The following SLC35F3 variants were observed in gnomAD, a reference collection of about 807,000 sequenced individuals.
SLC35F3 encodes the protein putative thiamine transporter SLC35F3.
Under a neutral mutation model 49.9 loss-of-function variants are expected in SLC35F3, and 25 were observed. The observed-to-expected ratio is 0.50, with a 90% CI of 0.37 to 0.70. The LOEUF is 0.70. SLC35F3 is among the 30% of genes least tolerant of loss of function. The probability of loss-of-function intolerance (pLI) is 0.00; values close to 1 mark genes in which losing one functional copy is unlikely to be tolerated. For missense variants in SLC35F3, 525 were observed against 639.8 expected, an observed-to-expected ratio of 0.82 and a Z score of 1.94; for synonymous variants, 275 against 265.4, an observed-to-expected ratio of 1.04 and a Z score of -0.35.
intron 3 of SLC35F3, among the ~76,000 whole-genome samples, chr1:234,237,248 G>A (rs79874870): frequency 0.021 from 3,202 of 152,136 alleles, 94 homozygotes; most frequent in African/African-American, 0.072. Flanking sequence ...TGACTGTCAG[G>A]TGTTTGTTTG....
At chr1:234,207,740 G>A (rs2102938267) in intron 2 of SLC35F3, among the ~76,000 whole-genome samples, 1 of 152,268 alleles carries the variant, frequency 6.6e-6, no homozygotes, top group South Asian at 2.1e-4. Context: ...TGGTGGTCAT[G>A]CCTATAATCC....
At chr1:233,919,951 G>A (rs1662032889) in intron 2 of SLC35F3, among the ~76,000 whole-genome samples, 1 of 152,170 alleles carries the variant, frequency 6.6e-6, no homozygotes, top group Admixed American at 6.5e-5. Flanking sequence ...GACCACTGAG[G>A]ATTTCCATTT....
chr1:234,025,039 T>G (rs1663956583), intron 2 of SLC35F3, among the ~76,000 whole-genome samples: 1 of 152,254 alleles, frequency 6.6e-6, no homozygotes, highest in Non-Finnish European at 1.5e-5. Context: ...CACTCAGTTT[T>G]TAGCTTCCCG....
At chr1:234,087,679 A>C (rs565050960) in intron 2 of SLC35F3, among the ~76,000 whole-genome samples, 1 of 152,310 alleles carries the variant, frequency 6.6e-6, no homozygotes, top group East Asian at 1.9e-4. Flanking sequence ...CTGTTAAAAA[A>C]AACCCTCCAA....
In SLC35F3 at chr1:233,949,092, A is replaced by C. The variant is rs76052290; in HGVS notation, c.283+43334A>C. Among the ~76,000 whole-genome samples, 1,281 of 152,062 alleles carry C rather than the reference A, an allele frequency of 8.4e-3. 15 individuals carry two copies. The highest frequency in any genetic ancestry group is 0.029 in the African/African-American group (1,193 of 41,486). On this transcript the variant is annotated intron_variant, in intron 2 of 7. Coordinates refer to ENST00000366618, the MANE Select transcript of SLC35F3 (RefSeq NM_173508.4). Reference sequence around the variant, plus strand: ...GTCTGAAAGTTCTGTCCATTCCATCATGTAGGATCATGCCCATGGGAGAAC... The same window carrying C: ...GTCTGAAAGTTCTGTCCATTCCATCCTGTAGGATCATGCCCATGGGAGAAC...
At chr1:234,012,198 G>A (rs1364556077) in intron 2 of SLC35F3, among the ~76,000 whole-genome samples, 2 of 152,204 alleles carry the variant, frequency 1.3e-5, no homozygotes, top group Non-Finnish European at 2.9e-5. Context: ...TAACAAGGCA[G>A]CATTGCTGCC....
At position 234,316,650 on chromosome 1, in the gene SLC35F3, G is replaced by C. The variant is rs754200916; in HGVS notation, c.877G>C (p.Ala293Pro). Residue 293 changes from alanine (A) to proline (P), a missense_variant, in exon 5 of 8, where the codon GCT (alanine) becomes CCT (proline). Coordinates refer to ENST00000366618, the MANE Select transcript of SLC35F3 (RefSeq NM_173508.4). The part of the protein sequence containing the change: ...AIAGIVMMTY[A>P]DGFHSHSVIG... ...CGCTGGCATTGTGATGATGACCTAC[G>C]CTGATGGCTTCCACAGCCACTCCGT... 6.2e-7 allele frequency: 1 copy of C among 1,613,428 alleles called. No individual in the cohort carries two copies. Among genetic ancestry groups the C allele is most frequent in the Admixed American group, 1.7e-5 (1 of 60,022 alleles).
At chr1:233,999,992 G>A (rs116361761) in intron 2 of SLC35F3, among the ~76,000 whole-genome samples, 2,086 of 152,098 alleles carry the variant, frequency 0.014, 20 homozygotes, top group Non-Finnish European at 0.023. Flanking sequence ...GAACTCTCTC[G>A]CACAATATGA....
intron 2 of SLC35F3, among the ~76,000 whole-genome samples, chr1:234,010,512 T>C (rs1257300274): frequency 1.3e-5 from 2 of 152,180 alleles, no homozygotes; most frequent in Admixed American, 6.5e-5. Flanking sequence ...ACTTTGAATG[T>C]AAATAGATTA....
At chr1:234,017,310 T>C (rs1663817644) in intron 2 of SLC35F3, among the ~76,000 whole-genome samples, 1 of 152,196 alleles carries the variant, frequency 6.6e-6, no homozygotes, top group African/African-American at 2.4e-5. Context: ...AATTAAGGAA[T>C]ACTGAAGCAT....
At chr1:233,944,916 C>T (rs1393884875) in intron 2 of SLC35F3, among the ~76,000 whole-genome samples, 1 of 152,036 alleles carries the variant, frequency 6.6e-6, no homozygotes, top group Admixed American at 6.5e-5. Context: ...CCGATGGAAC[C>T]TGCATGATAT....
intron 2 of SLC35F3, among the ~76,000 whole-genome samples, chr1:234,085,338 A>G (rs1182028440): frequency 1.3e-5 from 2 of 152,190 alleles, no homozygotes. Context: ...CCTATTGATG[A>G]TAATTAAAAA....
intron 2 of SLC35F3, among the ~76,000 whole-genome samples, chr1:233,974,668 A>G (rs1277409612): frequency 1.3e-5 from 2 of 152,136 alleles, no homozygotes; most frequent in African/African-American, 2.4e-5. Context: ...ATTGATTTTC[A>G]TAGTTTCGAA....
At chr1:234,179,365 C>G (rs1666523819) in intron 2 of SLC35F3, among the ~76,000 whole-genome samples, 1 of 152,156 alleles carries the variant, frequency 6.6e-6, no homozygotes, top group African/African-American at 2.4e-5. Context: ...GCAGGTTTAG[C>G]TCAAATGTTC....
At chr1:233,917,789 G>A (rs755330880) in intron 2 of SLC35F3, among the ~76,000 whole-genome samples, 1 of 152,156 alleles carries the variant, frequency 6.6e-6, no homozygotes, top group Non-Finnish European at 1.5e-5. Context: ...CACAATAATA[G>A]CACTATCCAA....
At chr1:234,268,331 T>C (rs1182115968) in intron 3 of SLC35F3, among the ~76,000 whole-genome samples, 2 of 126,664 alleles carry the variant, frequency 1.6e-5, no homozygotes, top group Non-Finnish European at 3.3e-5. Context: ...GGCGCGCGCC[T>C]GCAATCGCAC....
intron 2 of SLC35F3, among the ~76,000 whole-genome samples, chr1:233,941,962 G>GTTTTTTTTT (rs547024039): frequency 4.1e-4 from 49 of 118,852 alleles, no homozygotes; most frequent in East Asian, 1.1e-3. Flanking sequence ...TTGTTTTTTT[G>GTTTTTTTTT]TTTTTTTTTT....
chr1:234,191,064 G>A (rs180798042), intron 2 of SLC35F3, among the ~76,000 whole-genome samples: 143 of 152,258 alleles, frequency 9.4e-4, no homozygotes, highest in Admixed American at 5.0e-3. Context: ...GTAATGATTG[G>A]TTAGCTGTTT....
At position 234,037,953 on chromosome 1, in the gene SLC35F3, C is replaced by G. The variant is rs142978327; in HGVS notation, c.283+132195C>G. 6.9e-3 allele frequency among the ~76,000 whole-genome samples: 1,043 copies of G among 152,042 alleles called. 37 individuals carry two copies. In the East Asian group the frequency reaches 0.13, roughly 19 times the overall value. On this transcript the variant is annotated intron_variant, in intron 2 of 7. Coordinates refer to ENST00000366618, the MANE Select transcript of SLC35F3 (RefSeq NM_173508.4). Reference sequence around the variant, plus strand: ...GTGTGTTTTTGTTTTGTTTTGTTTTCTTTTCTTTTCTTTTTTATTATTATT... The same window carrying G: ...GTGTGTTTTTGTTTTGTTTTGTTTTGTTTTCTTTTCTTTTTTATTATTATT...
Sources: gnomAD v4.1 joint callset for allele counts (sites outside exome capture counted in the v4.1 genomes callset) on GRCh38, gnomAD v4.1.1 for gene constraint, MANE v1.5 for transcripts, NCBI Gene and HGNC (gene_info 2026-07-23, HGNC 2026-07-21) for gene names.